The following ARMC8 variants were observed in gnomAD, a reference collection of about 807,000 sequenced individuals.
The protein encoded by ARMC8 is armadillo repeat containing 8.
Under a neutral mutation model 99.3 loss-of-function variants are expected in ARMC8, and 20 were observed. The ratio of observed to expected loss-of-function variants is 0.20; its 90% CI spans 0.14 to 0.29. The LOEUF (loss-of-function observed/expected upper bound fraction) is 0.29, where lower values mean the gene tolerates loss of function less well. Among genes scored for constraint, ARMC8 ranks in the 10% least tolerant of loss-of-function variants. The pLI is 1.00. For synonymous variants in ARMC8, 263 were observed against 278.3 expected, an observed-to-expected ratio of 0.95 and a Z score of 0.55; for missense variants, 569 against 809.5, an observed-to-expected ratio of 0.70 and a Z score of 3.60.
rs2047205995 is a variant in ARMC8 at position 138,252,792 on chromosome 3, C to A, written c.1134+7609C>A. ...GGCCTAAATAGAAACTCTCATAAAC[C>A]AGTTTGGCGAAATACCAAACTTCGC... On this transcript the variant is annotated intron_variant, in intron 12 of 21. Transcript: ENST00000469044. Among the ~76,000 whole-genome samples, 3 of 133,964 alleles carry A rather than the reference C, an allele frequency of 2.2e-5. No individual in the cohort carries two copies. The South Asian group carries it at 7.7e-4, about 34-fold the overall frequency. 87.9% of individuals were successfully genotyped at this position (133,964 alleles called of 152,430 possible).
intron 1 of ARMC8, among the ~76,000 whole-genome samples, chr3:138,200,835 C>G (rs1398099862): frequency 3.3e-5 from 5 of 150,304 alleles, no homozygotes; most frequent in African/African-American, 9.8e-5. Flanking sequence ...ATAATGATAT[C>G]ACTTATTTAT....
At chr3:138,274,572 AT>A (rs1308017343) in intron 18 of ARMC8, 28 bp downstream of exon 18, 1 of 1,526,060 alleles carries the variant, frequency 6.6e-7, no homozygotes, top group Admixed American at 1.7e-5. Context: ...CTTGGGGAAT[AT>A]TTTCTGAATG....
At chr3:138,241,005 G>A (rs752006266) in intron 10 of ARMC8, among the ~76,000 whole-genome samples, 7 of 152,264 alleles carry the variant, frequency 4.6e-5, no homozygotes, top group Admixed American at 1.3e-4. Flanking sequence ...AGCCGAGATC[G>A]TGCCATTGCA....
At chr3:138,261,784 T>C (rs2047770562) in intron 12 of ARMC8, 1 of 152,272 alleles carries the variant, frequency 6.6e-6, no homozygotes, top group African/African-American at 2.4e-5. Flanking sequence ...GGCTTTGAGC[T>C]TGAAGTACCC....
At chr3:138,256,702 G>T (rs187206470) in intron 12 of ARMC8, among the ~76,000 whole-genome samples, 1 of 152,054 alleles carries the variant, frequency 6.6e-6, no homozygotes, top group Non-Finnish European at 1.5e-5. Context: ...GAGCCACCGC[G>T]CCCGGCCTTT....
At chr3:138,293,207 AG>A (rs2051142587) in intron 21 of ARMC8, among the ~76,000 whole-genome samples, 1 of 152,224 alleles carries the variant, frequency 6.6e-6, no homozygotes, top group Admixed American at 6.5e-5. Flanking sequence ...AGGACAGGCT[AG>A]GCCTCTGCTT....
At chr3:138,286,740 T>C (rs1044032735) in intron 19 of ARMC8, among the ~76,000 whole-genome samples, 1 of 152,174 alleles carries the variant, frequency 6.6e-6, no homozygotes, top group African/African-American at 2.4e-5. Flanking sequence ...TGAGAACCAT[T>C]GCCTTAGGAG....
At chr3:138,243,862 C>G (rs1419965932) in intron 11 of ARMC8, among the ~76,000 whole-genome samples, 1 of 152,132 alleles carries the variant, frequency 6.6e-6, no homozygotes, top group Non-Finnish European at 1.5e-5. Context: ...TGAACAACAC[C>G]TACATCATTG....
rs2051588089 is a variant in ARMC8 at position 138,297,490 on chromosome 3, CTGATGGGGT to C, written c.*1601_*1609del. The C allele has an allele frequency of 6.6e-6, 1 of 152,230 alleles. No individual in the cohort carries two copies. The highest frequency in any genetic ancestry group is 6.5e-5 in the Admixed American group (1 of 15,284). 9.4% of individuals were successfully genotyped at this position (152,230 alleles called of 1,614,324 possible). ...CTCCAAGCCCACCCACCAGCCACTCCTGATGGGGTTGCTCACACTGCAGCTGCCCTATCA... is the reference window on the plus strand; with the variant it reads ...CTCCAAGCCCACCCACCAGCCACTCCTGCTCACACTGCAGCTGCCCTATCA... On this transcript the variant is annotated 3_prime_UTR_variant, in exon 22 of 22. Coordinates refer to ENST00000469044, the MANE Select transcript of ARMC8 (RefSeq NM_001363941.2).
intron 18 of ARMC8, among the ~76,000 whole-genome samples, chr3:138,281,150 C>T (rs1440749659): frequency 6.6e-6 from 1 of 152,030 alleles, no homozygotes; most frequent in African/African-American, 2.4e-5. Context: ...CCAGTCTCTG[C>T]TCTATTTCCT....
At chr3:138,229,128 G>A (rs1479174611) in intron 6 of ARMC8, 118 bp downstream of exon 6, 3 of 160,172 alleles carry the variant, frequency 1.9e-5, no homozygotes, top group South Asian at 9.4e-5. Flanking sequence ...ACCTGTGTGT[G>A]TGCGTGTATA....
At chr3:138,208,548 A>G (rs1012315902) in intron 1 of ARMC8, among the ~76,000 whole-genome samples, 3 of 151,932 alleles carry the variant, frequency 2.0e-5, no homozygotes, top group Admixed American at 6.6e-5. Flanking sequence ...CTCCAGAGTT[A>G]TTTTTGGTGG....
chr3:138,284,591 A>G, intron 19 of ARMC8, 65 bp downstream of exon 19: 1 of 1,199,958 alleles, frequency 8.3e-7, no homozygotes, highest in Non-Finnish European at 1.2e-6. Context: ...TTAACTCAAA[A>G]TAAATTGTGC....
At chr3:138,293,186 G>A (rs2051139504) in intron 21 of ARMC8, among the ~76,000 whole-genome samples, 1 of 152,198 alleles carries the variant, frequency 6.6e-6, no homozygotes, top group South Asian at 2.1e-4. Flanking sequence ...CTTCCAGATT[G>A]TGAAGCACAC....
intron 1 of ARMC8, among the ~76,000 whole-genome samples, chr3:138,205,224 A>G (rs940987325): frequency 6.6e-5 from 10 of 151,356 alleles, no homozygotes; most frequent in Non-Finnish European, 1.5e-4. Context: ...GCGCGCCACC[A>G]TGCCCGGCTA....
At position 138,296,648 on chromosome 3, in the gene ARMC8, A is replaced by G. The variant is rs762160665; in HGVS notation, c.*756A>G. 4.6e-5 allele frequency: 7 copies of G among 152,260 alleles called. No individual in the cohort carries two copies. The allele number at this position is 152,260 out of a possible 1,614,324, so 9.4% of individuals were successfully genotyped here. A position where few individuals can be genotyped will look rare whatever the true frequency, so the allele number is the denominator to read the frequency against. ...AAGCTAGCATCTTACTGCCGTCAATATTAGCAGGTACAGAGCCTTTTTTCA... is the reference window on the plus strand; with the variant it reads ...AAGCTAGCATCTTACTGCCGTCAATGTTAGCAGGTACAGAGCCTTTTTTCA... On this transcript the variant is annotated 3_prime_UTR_variant, in exon 22 of 22. Transcript: ENST00000469044.
At chr3:138,245,629 A>G in intron 12 of ARMC8, 2 of 995,414 alleles carry the variant, frequency 2.0e-6, no homozygotes, top group Non-Finnish European at 2.4e-6. Flanking sequence ...TTATGTTTTG[A>G]TTTTTTTTGC....
intron 19 of ARMC8, among the ~76,000 whole-genome samples, chr3:138,285,106 A>T (rs1286044487): frequency 2.0e-5 from 3 of 152,214 alleles, no homozygotes; most frequent in African/African-American, 7.2e-5. Context: ...GCCATGTCAG[A>T]GTTAACAACT....
intron 1 of ARMC8, among the ~76,000 whole-genome samples, chr3:138,196,611 G>A (rs2043749292): frequency 6.6e-6 from 1 of 152,168 alleles, no homozygotes; most frequent in African/African-American, 2.4e-5. Flanking sequence ...ATTCACGCCT[G>A]TAATCCCAGC....
Sources: allele counts gnomAD v4.1 joint callset (sites outside exome capture counted in the v4.1 genomes callset), GRCh38; gene constraint gnomAD v4.1.1; transcripts MANE v1.5; gene names NCBI Gene and HGNC (gene_info 2026-07-23, HGNC 2026-07-21).